NYNRIN: variants seen among roughly 807,000 people sequenced by gnomAD.
NYNRIN encodes the protein protein NYNRIN.
A neutral mutation model predicts 146.6 loss-of-function variants in NYNRIN; 86 were observed. That is an observed-to-expected ratio of 0.59 (90% CI 0.49 to 0.70). The LOEUF (loss-of-function observed/expected upper bound fraction) is 0.70, where lower values mean the gene tolerates loss of function less well. Ranked by LOEUF, NYNRIN falls within the 30% of genes least tolerant of loss-of-function variation. NYNRIN has a pLI of 0.00. For missense variants in NYNRIN, 2,191 were observed against 2,377.7 expected, an observed-to-expected ratio of 0.92 and a Z score of 1.63; for synonymous variants, 1,027 against 1,001.3, an observed-to-expected ratio of 1.03 and a Z score of -0.48.
Position 24,415,901 on chromosome 14 carries a change from C to G in NYNRIN, c.4152C>G (p.Leu1384=), listed in dbSNP as rs369735094. The G allele has an allele frequency of 2.5e-6, 4 of 1,614,020 alleles. No homozygotes were observed. In the South Asian group the frequency reaches 3.3e-5, roughly 13 times the overall value. ...FLTHCNWIFS[L]LWELLPLWRA... is the part of the protein sequence containing the mutation. ...CTCACTGCAACTGGATCTTCAGCCT[C>G]CTGTGGGAGCTCCTGCCCCTCTGGA... The change falls in exon 9 of 9, where the codon CTC becomes CTG. Residue 1384 remains leucine (L), a synonymous_variant. Transcript: ENST00000382554.
rs2042887501 is a variant in NYNRIN at position 24,408,120 on chromosome 14, C to T, written c.450C>T (p.Thr150=). The change falls in exon 3 of 9, where the codon ACC becomes ACT. Residue 150 remains threonine (T), a synonymous_variant. Transcript: ENST00000382554. Reference sequence around the variant, plus strand: ...GCTGGGGCCCTGCCCCTCTGCTGACCCCCCGGGGGATCTGGGAGGCTGAGG... The same window carrying T: ...GCTGGGGCCCTGCCCCTCTGCTGACTCCCCGGGGGATCTGGGAGGCTGAGG... ...RLRWGPAPLL[T]PRGIWEAEVT... The T allele has an allele frequency of 6.2e-7, 1 of 1,610,472 alleles. No homozygotes were observed. The highest frequency in any genetic ancestry group is 8.5e-7 in the Non-Finnish European group (1 of 1,179,044).
In NYNRIN at chr14:24,416,234, G is replaced by T. The variant is rs371121277; in HGVS notation, c.4485G>T (p.Leu1495=). Residue 1495 remains leucine, a synonymous_variant, in exon 9 of 9, where the codon CTG becomes CTT. Coordinates refer to ENST00000382554, the MANE Select transcript of NYNRIN (RefSeq NM_025081.3). ...CCCTGGCCGACATCATTGCCAGGCT[G>T]CAGGCTGGGCAGAAACTGTCTGGCT... ...DSTLADIIAR[L]QAGQKLSGSS... is the part of the protein sequence containing the mutation. The T allele has an allele frequency of 9.6e-5, 155 of 1,613,882 alleles. No homozygotes were observed. Among genetic ancestry groups the T allele is most frequent in the Admixed American group, 3.3e-5 (2 of 60,006 alleles).
intron 7 of NYNRIN, 38 bp downstream of exon 7, chr14:24,413,136 C>G (rs1594741916): frequency 2.7e-6 from 4 of 1,489,384 alleles, no homozygotes; most frequent in Non-Finnish European, 3.7e-6. Context: ...ATTCCTTCCC[C>G]TTGGATGTCA....
In NYNRIN at chr14:24,411,501, C is replaced by A; in HGVS notation, c.2642+51C>A. 2 of 1,508,496 alleles carry A rather than the reference C, an allele frequency of 1.3e-6. No homozygotes were observed. Among genetic ancestry groups the A allele is most frequent in the Non-Finnish European group, 1.8e-6 (2 of 1,085,018 alleles). 93.4% of individuals were successfully genotyped at this position (1,508,496 alleles called of 1,614,324 possible). A position where few individuals can be genotyped will look rare whatever the true frequency, so the allele number is the denominator to read the frequency against. Reference sequence around the variant, plus strand: ...CCTGGGCTCAGGGAGTTGGGCCTGGCTGGTGTGTCAGGTGGAGTCCGGCCT... The same window carrying A: ...CCTGGGCTCAGGGAGTTGGGCCTGGATGGTGTGTCAGGTGGAGTCCGGCCT... On this transcript the variant is annotated intron_variant, in intron 6 of 8. Transcript: ENST00000382554. The surrounding 1 kb of genome is among the most constrained non-coding windows in gnomAD (Gnocchi z 4.3).
In NYNRIN at chr14:24,408,681, A is replaced by C. The variant is rs2042891173; in HGVS notation, c.887A>C (p.Asp296Ala). 4 of 1,612,058 alleles carry C rather than the reference A, an allele frequency of 2.5e-6. No individual in the cohort carries two copies. The South Asian group carries it at 4.4e-5, about 18-fold the overall frequency. The change falls in exon 4 of 9, where the codon GAC (aspartate) becomes GCC (alanine). Residue 296 changes from aspartate (D) to alanine (A), a missense_variant. Transcript: ENST00000382554. ...RVGSNNQDGM[D>A]SAQEEGTVQA... ...GGTTCCAACAACCAAGATGGTATGG[A>C]CAGTGCTCAAGAGGAAGGGACAGTG...
chr14:24,404,451 G>T (rs2042864360), intron 2 of NYNRIN, among the ~76,000 whole-genome samples: 1 of 152,174 alleles, frequency 6.6e-6, no homozygotes, highest in African/African-American at 2.4e-5. Flanking sequence ...GGATAGAAAT[G>T]ATAGTAAGCT....
chr14:24,408,514 A>T lies in NYNRIN; in HGVS notation c.844A>T (p.Asn282Tyr). Residue 282 changes from asparagine (N) to tyrosine (Y), a missense_variant, in exon 3 of 9, where the codon AAC becomes TAC. Around this residue, in one of 3 missense-constraint regions of NYNRIN, gnomAD observed 895 missense variants for 941.2 expected, o/e 0.95. Transcript: ENST00000382554. ...CCAGAGCACACCGCAGGAGGCAGCA[A>T]ACCAGCTGGTACGGTAAGTTCTGGA... ...TAQSTPQEAA[N>Y]QLVRVGSNNQ... The T allele has an allele frequency of 6.3e-7, 1 of 1,576,580 alleles. No homozygotes were observed. The highest frequency in any genetic ancestry group is 1.4e-5 in the African/African-American group (1 of 73,758).
chr14:24,401,763 G>A (rs1165173863), intron 2 of NYNRIN, among the ~76,000 whole-genome samples: 1 of 152,188 alleles, frequency 6.6e-6, no homozygotes, highest in African/African-American at 2.4e-5. Context: ...GACTAGCTGC[G>A]TAACTTTGAG....
rs1355262083 is a variant in NYNRIN at position 24,417,802 on chromosome 14, G to A, written c.*356G>A. 3 of 228,676 alleles carry A rather than the reference G, an allele frequency of 1.3e-5. No homozygotes were observed. The highest frequency in any genetic ancestry group is 2.6e-5 in the Non-Finnish European group (3 of 117,020). 14.2% of individuals were successfully genotyped at this position (228,676 alleles called of 1,614,324 possible). On this transcript the variant is annotated 3_prime_UTR_variant, in exon 9 of 9. Coordinates refer to ENST00000382554, the MANE Select transcript of NYNRIN (RefSeq NM_025081.3). ...TGTGGTGGTGTGCACACACACTCAC[G>A]AAAGAATCTATCTTGGCCATGAAAC...
At chr14:24,400,624 C>A (rs184774165) in intron 2 of NYNRIN, among the ~76,000 whole-genome samples, 23 of 152,146 alleles carry the variant, frequency 1.5e-4, no homozygotes, top group African/African-American at 5.3e-4. Context: ...GGGGTGTCTT[C>A]CCAAAGAACA....
chr14:24,412,859 T>A, intron 6 of NYNRIN, 138 bp from the exon 7 acceptor site: 1 of 591,456 alleles, frequency 1.7e-6, no homozygotes, highest in Non-Finnish European at 3.0e-6. Flanking sequence ...GGCTCGGGGG[T>A]CCTGGATTTC....
Position 24,414,700 on chromosome 14 carries a change from A to C in NYNRIN, c.2951A>C (p.Glu984Ala). 6.2e-7 allele frequency: 1 copy of C among 1,613,600 alleles called. No homozygotes were observed. The highest frequency in any genetic ancestry group is 8.5e-7 in the Non-Finnish European group (1 of 1,179,732). ...GATGACGCTGACTCTGGGCCCCTGG[A>C]GAGTCTGCCGAATATGGAAGAAGTC... ...LSDDADSGPL[E>A]SLPNMEEVRE... Residue 984 changes from glutamate to alanine, a missense_variant, in exon 9 of 9, where the codon GAG becomes GCG. Glu to Ala is a moderately radical substitution (Grantham distance 107). Coordinates refer to ENST00000382554, the MANE Select transcript of NYNRIN (RefSeq NM_025081.3).
Position 24,414,820 on chromosome 14 carries a change from C to A in NYNRIN, c.3071C>A (p.Ala1024Glu). The stretch of plus-strand genomic sequence containing the variant: ...GAGGACGACCTTGACTCTTCGCTGG[C>A]GTCAGTGTTCAGGGTGGAGTGCCCG... Reference protein sequence around the residue: ...AEEDDLDSSLASVFRVECPSL... With the variant: ...AEEDDLDSSLESVFRVECPSL... The change falls in exon 9 of 9, where the codon GCG (alanine) becomes GAG (glutamate). Residue 1024 changes from alanine to glutamate, a missense_variant. Ala to Glu is a moderately radical substitution (Grantham distance 107, BLOSUM62 -1). Transcript: ENST00000382554. The A allele has an allele frequency of 1.2e-5, 19 of 1,613,458 alleles. No individual in the cohort carries two copies. Among genetic ancestry groups the A allele is most frequent in the Non-Finnish European group, 1.6e-5 (19 of 1,179,622 alleles).
In NYNRIN at chr14:24,414,954, T is replaced by C. The variant is rs771003469; in HGVS notation, c.3205T>C (p.Trp1069Arg). Residue 1069 changes from tryptophan (W) to arginine (R), a missense_variant, in exon 9 of 9, where the codon TGG (tryptophan) becomes CGG (arginine). This residue lies in a region of NYNRIN where 1,291 missense variants were observed against 1,417.0 expected (regional missense o/e 0.91). Transcript: ENST00000382554. The part of the protein sequence containing the change: ...GAASPYLGIP[W>R]DGKAPCQQVL... ...AGCTTCTCCCTACCTGGGCATCCCC[T>C]GGGATGGAAAGGCTCCCTGCCAGCA... The C allele has an allele frequency of 6.3e-7, 1 of 1,595,978 alleles. No homozygotes were observed. The highest frequency in any genetic ancestry group is 8.6e-7 in the Non-Finnish European group (1 of 1,166,980).
Position 24,416,231 on chromosome 14 carries a change from G to C in NYNRIN, c.4482G>C (p.Arg1494Ser), listed in dbSNP as rs377683697. The part of the protein sequence containing the change: ...SDSTLADIIA[R>S]LQAGQKLSGS... ...GCACCCTGGCCGACATCATTGCCAG[G>C]CTGCAGGCTGGGCAGAAACTGTCTG... Residue 1494 changes from arginine (R) to serine (S), a missense_variant, in exon 9 of 9, where the codon AGG becomes AGC. Arg to Ser is a moderately radical substitution (Grantham distance 110, BLOSUM62 -1). This residue lies in a region of NYNRIN where 1,291 missense variants were observed against 1,417.0 expected (regional missense o/e 0.91). Coordinates refer to ENST00000382554, the MANE Select transcript of NYNRIN (RefSeq NM_025081.3). 10 of 1,613,894 alleles carry C rather than the reference G, an allele frequency of 6.2e-6. No individual in the cohort carries two copies. In the Admixed American group the frequency reaches 6.7e-5, roughly 11 times the overall value.
Position 24,411,659 on chromosome 14 carries a change from C to A in NYNRIN, c.2642+209C>A, listed in dbSNP as rs577239307. Reference sequence around the variant, plus strand: ...GGCTTGAGGTTGGCTCTCCCCAAGCCCGGAGTTGTTTCTGACTTTGGGACT... The same window carrying A: ...GGCTTGAGGTTGGCTCTCCCCAAGCACGGAGTTGTTTCTGACTTTGGGACT... On this transcript the variant is annotated intron_variant, in intron 6 of 8. Coordinates refer to ENST00000382554, the MANE Select transcript of NYNRIN (RefSeq NM_025081.3). This position sits in a 1 kb window ranked among gnomAD's most constrained non-coding sequence, Gnocchi z 4.3. Among the ~76,000 whole-genome samples the A allele has an allele frequency of 6.6e-6, 1 of 152,250 alleles. No homozygotes were observed. Among genetic ancestry groups the A allele is most frequent in the African/African-American group, 2.4e-5 (1 of 41,552 alleles).
chr14:24,410,645 A>G (rs958901857), intron 4 of NYNRIN, among the ~76,000 whole-genome samples: 3 of 152,194 alleles, frequency 2.0e-5, no homozygotes, highest in African/African-American at 7.2e-5. Context: ...CTTCCTCCAC[A>G]GTACTTACTG....
Position 24,413,134 on chromosome 14 carries a change from C to G in NYNRIN, c.2744+36C>G. 2.0e-6 allele frequency: 3 copies of G among 1,490,440 alleles called. No individual in the cohort carries two copies. The Middle Eastern group carries it at 5.1e-4, about 254-fold the overall frequency. The allele number at this position is 1,490,440 out of a possible 1,614,324, so 92.3% of individuals were successfully genotyped here. On this transcript the variant is annotated intron_variant, in intron 7 of 8. Coordinates refer to ENST00000382554, the MANE Select transcript of NYNRIN (RefSeq NM_025081.3). ...CCCCAGAGGCTTGAGCCATTCCTTCCCCTTGGATGTCAGGCAGCCCCTGGC... is the reference window on the plus strand; with the variant it reads ...CCCCAGAGGCTTGAGCCATTCCTTCGCCTTGGATGTCAGGCAGCCCCTGGC...
At chr14:24,407,747 T>TG (rs1394546020) in intron 2 of NYNRIN, 122 bp from the exon 3 acceptor site, 2 of 857,850 alleles carry the variant, frequency 2.3e-6, no homozygotes, top group Non-Finnish European at 3.6e-6. Context: ...TCATGGTGGA[T>TG]GGGGGGTGGT....
Sources: gnomAD v4.1 joint callset for allele counts (sites outside exome capture counted in the v4.1 genomes callset) on GRCh38, gnomAD v4.1.1 for gene constraint, gnomAD v4.1.1 regional missense constraint, Gnocchi (gnomAD v3.1) non-coding constraint, MANE v1.5 for transcripts, NCBI Gene and HGNC (gene_info 2026-07-23, HGNC 2026-07-21) for gene names.